Variants in GPR161 observed in about 807,000 individuals in gnomAD.
GPR161 encodes the protein G protein-coupled receptor 161, also known as G-protein coupled receptor RE2.
GPR161 carries 25 observed loss-of-function variants against 39.2 expected under a neutral mutation model. That is an observed-to-expected ratio of 0.64 (90% CI 0.47 to 0.89). The LOEUF (loss-of-function observed/expected upper bound fraction) is 0.89. Among genes scored for constraint, GPR161 ranks in the 40% least tolerant of loss-of-function variants. The probability of loss-of-function intolerance (pLI) is 0.00; values close to 1 mark genes in which losing one functional copy is unlikely to be tolerated. For missense variants in GPR161, 547 were observed against 677.8 expected (o/e 0.81, Z 2.14); for synonymous variants, 286 against 276.6 (o/e 1.03, Z -0.34).
rs141743774 is a variant in GPR161, at chr1:168,096,821, C to T, written c.786G>A (p.Ser262=). ...RRNAFQGVVY[S]ANQCKALITI... The stretch of plus-strand genomic sequence containing the variant: ...TGATGAGGGCTTTGCACTGGTTGGC[C>T]GAGTAGACCACACCCTGAAAGGCAT... Residue 262 remains serine (S), a synonymous_variant, in exon 3 of 6, where the codon TCG becomes TCA. Coordinates refer to ENST00000682931, the MANE Select transcript of GPR161 (RefSeq NM_001375883.1). 9.3e-6 allele frequency: 15 copies of T among 1,614,012 alleles called. No homozygotes were observed. The Admixed American group carries it at 1.2e-4, about 13-fold the overall frequency.
At chr1:168,124,203 A>G (rs934454583) in intron 1 of GPR161, among the ~76,000 whole-genome samples, 1 of 152,180 alleles carries the variant, frequency 6.6e-6, no homozygotes, top group Non-Finnish European at 1.5e-5. Flanking sequence ...TTTTCCCATG[A>G]TAACTCCAAA....
chr1:168,092,981 C>T (rs916337321), intron 3 of GPR161, among the ~76,000 whole-genome samples: 8 of 152,034 alleles, frequency 5.3e-5, no homozygotes, highest in African/African-American at 9.7e-5. Flanking sequence ...GGGTGGTGCT[C>T]GGGCTCTCCA....
chr1:168,120,709 G>T (rs115813468), intron 1 of GPR161, among the ~76,000 whole-genome samples: 2,201 of 152,260 alleles, frequency 0.014, 56 homozygotes, highest in African/African-American at 0.049. Context: ...CCCTCATGCT[G>T]TTCTCGTGAT....
intron 2 of GPR161, among the ~76,000 whole-genome samples, chr1:168,102,530 T>A (rs2102163714): frequency 6.6e-6 from 1 of 152,214 alleles, no homozygotes; most frequent in Admixed American, 6.5e-5. Flanking sequence ...CAGTGTGAAA[T>A]AAGGCCCTGA....
chr1:168,110,563 AAAAGAAAAG>A (rs1234341836), intron 1 of GPR161, among the ~76,000 whole-genome samples: 1 of 115,460 alleles, frequency 8.7e-6, no homozygotes, highest in East Asian at 2.3e-4. Flanking sequence ...AAAAGAAAAG[AAAAGAAAAG>A]AAAAGAAAAG....
chr1:168,108,885 A>C (rs1696882576), intron 1 of GPR161, among the ~76,000 whole-genome samples: 1 of 152,196 alleles, frequency 6.6e-6, no homozygotes, highest in African/African-American at 2.4e-5. Flanking sequence ...AATTGTGTAT[A>C]AATGCTTTTG....
At position 168,084,806 on chromosome 1, in the gene GPR161, G is replaced by T; in HGVS notation, c.*725C>A. On this transcript the variant is annotated 3_prime_UTR_variant, in exon 6 of 6. Transcript: ENST00000682931. ...TCTGGAAATGAAACACCTAGTACCT[G>T]CCCTTCCTCTTGTCTTTTATAGTGG... 1 of 456,028 alleles carries T rather than the reference G, an allele frequency of 2.2e-6. No homozygotes were observed. Among genetic ancestry groups the T allele is most frequent in the South Asian group, 1.5e-5 (1 of 64,550 alleles). 28.2% of individuals were successfully genotyped at this position (456,028 alleles called of 1,614,324 possible).
chr1:168,094,552 C>G (rs1455556732), intron 3 of GPR161, among the ~76,000 whole-genome samples: 3 of 152,208 alleles, frequency 2.0e-5, no homozygotes, highest in Non-Finnish European at 4.4e-5. Flanking sequence ...GTCTCATCGC[C>G]ACATGGAAAG....
chr1:168,108,480 T>C lies in GPR161; in HGVS notation c.-44-3586A>G, dbSNP rs575953688. 2.2e-4 allele frequency among the ~76,000 whole-genome samples: 4 copies of C among 18,506 alleles called. No homozygotes were observed. In the East Asian group the frequency reaches 0.015, roughly 70 times the overall value. The allele number at this position is 18,506 out of a possible 152,430, so 12.1% of individuals were successfully genotyped here. On this transcript the variant is annotated intron_variant, in intron 1 of 5. Transcript: ENST00000682931. Reference sequence around the variant, plus strand: ...AAGGTTATTTTATCCACTGAGGCCCTAGTTGTAAAAAAAAAAAAAAAAAAA... The same window carrying C: ...AAGGTTATTTTATCCACTGAGGCCCCAGTTGTAAAAAAAAAAAAAAAAAAA...
In GPR161 at chr1:168,086,881, A is replaced by G. The variant is rs562886336; in HGVS notation, c.1324+704T>C. On this transcript the variant is annotated intron_variant, in intron 5 of 5. Transcript: ENST00000682931. ...AGAGATGTGATTAATTATGAACCTA[A>G]AACTCTGACAGAGGCCATATTTATT... 2.0e-5 allele frequency among the ~76,000 whole-genome samples: 3 copies of G among 152,288 alleles called. No individual in the cohort carries two copies. In the South Asian group the frequency reaches 6.2e-4, roughly 32 times the overall value.
upstream of GPR161, chr1:168,136,943 C>CCCGCG: frequency 1.0e-6 from 1 of 964,296 alleles, no homozygotes; most frequent in Non-Finnish European, 1.2e-6. Context: ...CTTTGCGGCG[C>CCCGCG]CCGCGCCCCG....
chr1:168,089,284 AC>A (rs1694834684), intron 4 of GPR161: 2 of 152,182 alleles, frequency 1.3e-5, no homozygotes, highest in Non-Finnish European at 2.9e-5. Context: ...AGTAACAGAG[AC>A]TTTCCTTAAA....
At chr1:168,121,668 C>T (rs1410879741) in intron 1 of GPR161, among the ~76,000 whole-genome samples, 1 of 152,212 alleles carries the variant, frequency 6.6e-6, no homozygotes, top group East Asian at 1.9e-4. Flanking sequence ...ACACAGCTTT[C>T]TGTGACAGCT....
Position 168,085,221 on chromosome 1 carries a change from C to A in GPR161, c.*310G>T. 4.4e-6 allele frequency: 2 copies of A among 457,864 alleles called. No homozygotes were observed. The highest frequency in any genetic ancestry group is 2.0e-5 in the South Asian group (1 of 49,248). 28.4% of individuals were successfully genotyped at this position (457,864 alleles called of 1,614,324 possible). ...GCCCTTCGTCTCTGGTCCTCCCATGCCCCACCTCCCAAAAAGCCACAGCCA... is the reference window on the plus strand; with the variant it reads ...GCCCTTCGTCTCTGGTCCTCCCATGACCCACCTCCCAAAAAGCCACAGCCA... On this transcript the variant is annotated 3_prime_UTR_variant, in exon 6 of 6. Coordinates refer to ENST00000682931, the MANE Select transcript of GPR161 (RefSeq NM_001375883.1).
chr1:168,124,508 CT>C (rs1280107816), intron 1 of GPR161, among the ~76,000 whole-genome samples: 1 of 152,110 alleles, frequency 6.6e-6, no homozygotes, highest in Non-Finnish European at 1.5e-5. Flanking sequence ...GGAATTTTGA[CT>C]TGGGAAAAAC....
intron 3 of GPR161, 126 bp from the exon 4 acceptor site, chr1:168,090,794 T>A (rs1694989722): frequency 1.8e-6 from 1 of 552,096 alleles, no homozygotes; most frequent in Admixed American, 3.1e-5. Flanking sequence ...CTCAACTCCC[T>A]GAAAGACAGG....
At chr1:168,099,555 C>A (rs2102151208) in intron 2 of GPR161, among the ~76,000 whole-genome samples, 1 of 152,260 alleles carries the variant, frequency 6.6e-6, no homozygotes, top group South Asian at 2.1e-4. Flanking sequence ...CTTCTCAACA[C>A]CCAGTTATTA....
intron 1 of GPR161, chr1:168,136,503 G>T: frequency 7.9e-7 from 1 of 1,259,892 alleles, no homozygotes; most frequent in South Asian, 2.9e-5. Flanking sequence ...GGGGAGGGGC[G>T]CGCCCCCAAC....
At position 168,090,679 on chromosome 1, in the gene GPR161, A is replaced by G; in HGVS notation, c.1100-11T>C. Reference sequence around the variant, plus strand: ...GGGACAGGCCCAGGTCTGAAAGACAAAATTGGCATTGACAACACAATCACA... The same window carrying G: ...GGGACAGGCCCAGGTCTGAAAGACAGAATTGGCATTGACAACACAATCACA... On this transcript the variant is annotated splice_polypyrimidine_tract_variant and intron_variant, in intron 3 of 5. Coordinates refer to ENST00000682931, the MANE Select transcript of GPR161 (RefSeq NM_001375883.1). 3 of 1,539,970 alleles carry G rather than the reference A, an allele frequency of 1.9e-6. No homozygotes were observed. The highest frequency in any genetic ancestry group is 2.7e-6 in the Non-Finnish European group (3 of 1,117,554).
Sources: gnomAD v4.1 joint callset for allele counts (sites outside exome capture counted in the v4.1 genomes callset) on GRCh38, gnomAD v4.1.1 for gene constraint, MANE v1.5 for transcripts, NCBI Gene and HGNC (gene_info 2026-07-23, HGNC 2026-07-21) for gene names.